Variants in RBPJ observed in about 807,000 individuals in gnomAD.
RBPJ encodes the protein recombination signal binding protein for immunoglobulin kappa J region, also known as recombining binding protein suppressor of hairless.
RBPJ carries 9 observed loss-of-function variants against 67.8 expected under a neutral mutation model. The ratio of observed to expected loss-of-function variants is 0.13; its 90% CI spans 0.08 to 0.23. The LOEUF (loss-of-function observed/expected upper bound fraction) is 0.23. RBPJ is among the 10% of genes least tolerant of loss of function. The pLI is 1.00. For synonymous variants in RBPJ, 198 were observed against 203.3 expected (o/e 0.97, Z 0.22); for missense variants, 305 against 595.6 (o/e 0.51, Z 5.08).
intron 1 of RBPJ, among the ~76,000 whole-genome samples, chr4:26,265,528 A>G (rs1201025903): frequency 6.6e-6 from 1 of 152,052 alleles, no homozygotes; most frequent in South Asian, 2.1e-4. Context: ...AAAAGAAAAA[A>G]AAAAAAGAAT....
At chr4:26,412,183 G>C (rs796308277) in intron 3 of RBPJ, among the ~76,000 whole-genome samples, 1 of 151,440 alleles carries the variant, frequency 6.6e-6, no homozygotes, top group South Asian at 2.1e-4. Flanking sequence ...TGGCATATAG[G>C]TTGCGCATTC....
chr4:26,116,765 C>CCA, the RBPJ span, among the ~76,000 whole-genome samples: 1 of 152,214 alleles, frequency 6.6e-6, no homozygotes, highest in Non-Finnish European at 1.5e-5. Context: ...GCCACCCATG[C>CCA]CACAAGCCCA....
At chr4:26,325,623 C>G (rs1723545690) in intron 1 of RBPJ, among the ~76,000 whole-genome samples, 1 of 152,180 alleles carries the variant, frequency 6.6e-6, no homozygotes, top group South Asian at 2.1e-4. Flanking sequence ...TAGCAGAATT[C>G]CTGGCATGTA....
rs528873410 is a variant in RBPJ, at chr4:26,411,817, C to A, written c.156-3658C>A. Among the ~76,000 whole-genome samples the A allele has an allele frequency of 8.1e-4, 123 of 152,018 alleles. 1 individual carries two copies. Among genetic ancestry groups the A allele is most frequent in the Non-Finnish European group, 1.3e-3 (86 of 67,964 alleles). ...TTTTCAGATGTGAAATTAAGAAGTA[C>A]CATTTATGGGCCAGGCGCGGTGGCT... is the stretch of plus-strand genomic sequence containing the variant. On this transcript the variant is annotated intron_variant, in intron 3 of 10. Coordinates refer to ENST00000355476, the MANE Select transcript of RBPJ (RefSeq NM_015874.6).
chr4:26,366,431 T>C (rs2109525640), intron 1 of RBPJ, among the ~76,000 whole-genome samples: 1 of 152,286 alleles, frequency 6.6e-6, no homozygotes, highest in Admixed American at 6.5e-5. Context: ...TTTATTTTTA[T>C]TTATTTTTTT....
At chr4:26,311,046 T>C (rs1386043203) in intron 1 of RBPJ, among the ~76,000 whole-genome samples, 1 of 152,236 alleles carries the variant, frequency 6.6e-6, no homozygotes, top group Non-Finnish European at 1.5e-5. Flanking sequence ...GTTATGGACT[T>C]GTTGAGTAAT....
chr4:26,213,431 A>C (rs1479304338), intron 1 of RBPJ, among the ~76,000 whole-genome samples: 2 of 152,196 alleles, frequency 1.3e-5, no homozygotes, highest in African/African-American at 4.8e-5. Flanking sequence ...GAAAATGAGA[A>C]GGGGTCAGGT....
intron 1 of RBPJ, chr4:26,322,916 T>G (rs1293830920): frequency 6.6e-6 from 1 of 150,860 alleles, no homozygotes; most frequent in Non-Finnish European, 1.5e-5. Context: ...CAAGAGTTTG[T>G]TTTTTTTCTA....
the RBPJ span, among the ~76,000 whole-genome samples, chr4:26,120,106 G>A: frequency 6.6e-6 from 1 of 152,216 alleles, no homozygotes; most frequent in African/African-American, 2.4e-5. Context: ...GCAGAAGCTG[G>A]AAGTGAGCAA....
chr4:26,244,313 GTGTATATGTA>G (rs1560226233), intron 1 of RBPJ, among the ~76,000 whole-genome samples: 10 of 133,876 alleles, frequency 7.5e-5, no homozygotes, highest in African/African-American at 2.8e-4. Context: ...ACACATATGT[GTGTATATGTA>G]TACACATATG....
At chr4:26,219,094 A>G (rs1718817819) in intron 1 of RBPJ, among the ~76,000 whole-genome samples, 1 of 152,208 alleles carries the variant, frequency 6.6e-6, no homozygotes, top group African/African-American at 2.4e-5. Context: ...CGTAAGAGGA[A>G]GTAAATTTAG....
chr4:26,129,647 G>A, the RBPJ span, among the ~76,000 whole-genome samples: 5 of 151,982 alleles, frequency 3.3e-5, no homozygotes, highest in Admixed American at 1.3e-4. Context: ...ATTGTAAGAC[G>A]GGGTTACCTA....
intron 1 of RBPJ, among the ~76,000 whole-genome samples, chr4:26,310,916 C>T (rs1022860021): frequency 2.6e-5 from 4 of 152,222 alleles, no homozygotes; most frequent in South Asian, 4.1e-4. Context: ...GTGATCCGCC[C>T]GCCTCAGCGT....
At chr4:26,261,515 A>C (rs1040934400) in intron 1 of RBPJ, among the ~76,000 whole-genome samples, 5 of 152,234 alleles carry the variant, frequency 3.3e-5, no homozygotes, top group African/African-American at 1.2e-4. Flanking sequence ...GGGGAAGAAG[A>C]GAGGGAAGTG....
At chr4:26,312,636 G>A (rs1190461282) in intron 1 of RBPJ, among the ~76,000 whole-genome samples, 1 of 152,148 alleles carries the variant, frequency 6.6e-6, no homozygotes, top group East Asian at 1.9e-4. Context: ...TCTCTGCAAG[G>A]ACTGGGCCCA....
At chr4:26,212,506 G>C (rs1257185733) in intron 1 of RBPJ, among the ~76,000 whole-genome samples, 1 of 132,118 alleles carries the variant, frequency 7.6e-6, no homozygotes, top group African/African-American at 2.9e-5. Context: ...GTGCAATCTT[G>C]GCTCACTGCA....
At position 26,424,337 on chromosome 4, in the gene RBPJ, T is replaced by A; in HGVS notation, c.497-5T>A. ...ACATAAATAAGAGCTGTTTTTTCTT[T>A]GCAGTATGCATTGCCTCAGGAACAA... On this transcript the variant is annotated splice_region_variant and splice_polypyrimidine_tract_variant and intron_variant, in intron 5 of 10. Transcript: ENST00000355476. This position sits in a 1 kb window ranked among gnomAD's most constrained non-coding sequence, Gnocchi z 5.3. 1 of 1,613,082 alleles carries A rather than the reference T, an allele frequency of 6.2e-7. No individual in the cohort carries two copies. Among genetic ancestry groups the A allele is most frequent in the Non-Finnish European group, 8.5e-7 (1 of 1,179,766 alleles).
chr4:26,193,117 G>C (rs1171830576), intron 1 of RBPJ, among the ~76,000 whole-genome samples: 1 of 152,318 alleles, frequency 6.6e-6, no homozygotes, highest in East Asian at 1.9e-4. Flanking sequence ...CCCTGCTGAC[G>C]TGGCACTTTT....
chr4:26,149,135 GT>G, the RBPJ span, among the ~76,000 whole-genome samples: 1 of 152,204 alleles, frequency 6.6e-6, no homozygotes, highest in Admixed American at 6.5e-5. Context: ...GTGAGAAGCA[GT>G]TTTTCCAGAG....
Sources: allele counts gnomAD v4.1 joint callset (sites outside exome capture counted in the v4.1 genomes callset), GRCh38; gene constraint gnomAD v4.1.1; non-coding constraint Gnocchi (gnomAD v3.1); transcripts MANE v1.5; gene names NCBI Gene and HGNC (gene_info 2026-07-23, HGNC 2026-07-21).